CARNMT1: variants seen among roughly 807,000 people sequenced by gnomAD.
The protein encoded by CARNMT1 is protein-L-histidine N-pros-methyltransferase CARNMT1.
A neutral mutation model predicts 49.6 loss-of-function variants in CARNMT1; 28 were observed. The ratio of observed to expected loss-of-function variants is 0.56; its 90% CI spans 0.42 to 0.77. The LOEUF is 0.77. Ranked by LOEUF, CARNMT1 falls within the 30% of genes least tolerant of loss-of-function variation. The pLI is 0.00. For synonymous variants in CARNMT1, 178 were observed against 175.0 expected (o/e 1.02, Z -0.13); for missense variants, 421 against 512.6 (o/e 0.82, Z 1.73).
At chr9:75,013,280 T>TA (rs1177457304) in intron 3 of CARNMT1, among the ~76,000 whole-genome samples, 3 of 152,114 alleles carry the variant, frequency 2.0e-5, no homozygotes. Context: ...CAAAGAAAAA[T>TA]AAACAGATCC....
chr9:74,990,455 T>TA (rs1196174770), intron 6 of CARNMT1, among the ~76,000 whole-genome samples: 1 of 152,218 alleles, frequency 6.6e-6, no homozygotes, highest in Non-Finnish European at 1.5e-5. Flanking sequence ...AGTATGAACT[T>TA]ACGATTTTGT....
chr9:74,988,351 C>T (rs976301783), intron 6 of CARNMT1, among the ~76,000 whole-genome samples: 1 of 152,152 alleles, frequency 6.6e-6, no homozygotes, highest in Non-Finnish European at 1.5e-5. Flanking sequence ...ATAAGTCTAA[C>T]ATTCAGAGTA....
intron 3 of CARNMT1, among the ~76,000 whole-genome samples, chr9:75,010,374 C>T (rs1188530516): frequency 1.3e-5 from 2 of 152,060 alleles, no homozygotes; most frequent in South Asian, 2.1e-4. Flanking sequence ...ATCCACTCAC[C>T]TCAGCCTCCC....
chr9:74,984,949 C>T lies in CARNMT1; in HGVS notation c.1086G>A (p.Glu362=). 1 of 1,613,812 alleles carries T rather than the reference C, an allele frequency of 6.2e-7. No homozygotes were observed. The highest frequency in any genetic ancestry group is 1.3e-5 in the African/African-American group (1 of 75,012). The part of the protein sequence containing the change: ...ANELSIELSY[E]DIKNVVLQYG... ...ACTGCAGAACAACGTTTTTTATATC[C>T]TCATAGCTCAATTCTATGGAAAGTT... is the stretch of plus-strand genomic sequence containing the variant. Residue 362 remains glutamate (E), a synonymous_variant, in exon 7 of 8, where the codon GAG becomes GAA. Coordinates refer to ENST00000376834, the MANE Select transcript of CARNMT1 (RefSeq NM_152420.3).
In CARNMT1 at chr9:75,028,010, A is replaced by T; in HGVS notation, c.230+2T>A. ...GGCCGGGGTCCGCCACGGGCTCCTT[A>T]CCCGTAGTAGCGGAAGGCATTAATG... is the stretch of plus-strand genomic sequence containing the variant. On this transcript the variant is annotated splice_donor_variant, in intron 1 of 7. Transcript: ENST00000376834. LOFTEE classifies it high-confidence loss of function. The T allele has an allele frequency of 6.4e-7, 1 of 1,564,698 alleles. No individual in the cohort carries two copies. The highest frequency in any genetic ancestry group is 8.6e-7 in the Non-Finnish European group (1 of 1,158,778).
intron 3 of CARNMT1, among the ~76,000 whole-genome samples, chr9:75,007,789 A>G (rs1350217532): frequency 6.6e-6 from 1 of 151,426 alleles, no homozygotes; most frequent in Non-Finnish European, 1.5e-5. Context: ...GATAAAGGGT[A>G]TTTACGAAAG....
At chr9:74,986,927 G>T (rs1832860438) in intron 6 of CARNMT1, among the ~76,000 whole-genome samples, 1 of 152,208 alleles carries the variant, frequency 6.6e-6, no homozygotes, top group Non-Finnish European at 1.5e-5. Flanking sequence ...CCACCACAAT[G>T]CCTAACTTAG....
chr9:74,995,822 T>G (rs964154975), intron 6 of CARNMT1, among the ~76,000 whole-genome samples: 3 of 152,194 alleles, frequency 2.0e-5, no homozygotes, highest in African/African-American at 4.8e-5. Context: ...CTGAATATTA[T>G]CATTATACCC....
intron 3 of CARNMT1, among the ~76,000 whole-genome samples, chr9:75,015,011 AAAT>A (rs1676901300): frequency 3.9e-5 from 6 of 152,318 alleles, no homozygotes; most frequent in African/African-American, 1.2e-4. Flanking sequence ...AAAGATCTTT[AAAT>A]AAGACTGAAT....
At chr9:75,022,048 T>A (rs1822382117) in intron 1 of CARNMT1, among the ~76,000 whole-genome samples, 1 of 152,082 alleles carries the variant, frequency 6.6e-6, no homozygotes, top group Non-Finnish European at 1.5e-5. Flanking sequence ...ATGTTCATCA[T>A]TCCATCTTAG....
intron 3 of CARNMT1, among the ~76,000 whole-genome samples, chr9:75,011,498 T>C (rs1237683333): frequency 6.6e-6 from 1 of 152,090 alleles, no homozygotes; most frequent in Non-Finnish European, 1.5e-5. Context: ...ACCTCCAGAG[T>C]AGCCAGGACT....
Position 74,983,709 on chromosome 9 carries a change from G to A in CARNMT1, c.*58C>T, listed in dbSNP as rs1029734190. The A allele has an allele frequency of 3.9e-5, 40 of 1,020,300 alleles. No homozygotes were observed. The highest frequency in any genetic ancestry group is 2.1e-4 in the Middle Eastern group (1 of 4,720). The allele number at this position is 1,020,300 out of a possible 1,614,324, so 63.2% of individuals were successfully genotyped here. A position where few individuals can be genotyped will look rare whatever the true frequency, so the allele number is the denominator to read the frequency against. ...CATCACTGATAGTTGATTTTGAGTC[G>A]TTGATTTCAGCATTTGTTCTTACTA... On this transcript the variant is annotated 3_prime_UTR_variant, in exon 8 of 8. Coordinates refer to ENST00000376834, the MANE Select transcript of CARNMT1 (RefSeq NM_152420.3).
At chr9:74,985,736 C>T (rs552195384) in intron 6 of CARNMT1, among the ~76,000 whole-genome samples, 25 of 152,204 alleles carry the variant, frequency 1.6e-4, no homozygotes, top group African/African-American at 5.1e-4. Flanking sequence ...CCTGTCGCCA[C>T]GCCAGGCTAA....
intron 6 of CARNMT1, among the ~76,000 whole-genome samples, chr9:74,990,305 G>T (rs1409287447): frequency 6.6e-6 from 1 of 152,156 alleles, no homozygotes; most frequent in Non-Finnish European, 1.5e-5. Context: ...TACCTTCAGA[G>T]GAGCAACATT....
rs923393885 is a variant in CARNMT1, at chr9:74,996,271, A to C, written c.1024+176T>G. ...GTGAATATACAACTTCTGAGCTTCCACTGCCTTTGGAGGGATCACCACCAG... is the reference window on the plus strand; with the variant it reads ...GTGAATATACAACTTCTGAGCTTCCCCTGCCTTTGGAGGGATCACCACCAG... On this transcript the variant is annotated intron_variant, in intron 6 of 7. Coordinates refer to ENST00000376834, the MANE Select transcript of CARNMT1 (RefSeq NM_152420.3). 5.4e-5 allele frequency: 27 copies of C among 499,722 alleles called. No homozygotes were observed. In the South Asian group the frequency reaches 7.7e-4, roughly 14 times the overall value. 31.0% of individuals were successfully genotyped at this position (499,722 alleles called of 1,614,324 possible).
At chr9:75,012,713 T>A (rs1833732360) in intron 3 of CARNMT1, among the ~76,000 whole-genome samples, 2 of 152,002 alleles carry the variant, frequency 1.3e-5, no homozygotes, top group African/African-American at 4.8e-5. Flanking sequence ...GTTGTTACAC[T>A]GTGTTTTTAA....
At position 75,017,430 on chromosome 9, in the gene CARNMT1, C is replaced by T. The variant is rs1236212825; in HGVS notation, c.249G>A (p.Arg83=). Residue 83 remains arginine, a synonymous_variant, in exon 2 of 8, where the codon CGG becomes CGA. Coordinates refer to ENST00000376834, the MANE Select transcript of CARNMT1 (RefSeq NM_152420.3). ...GAAACTGTCTTTCTGTTCGGTTCAC[C>T]CGCTCATGCATACTGGTGCTAAAAC... ...FRYYGTSMHE[R]VNRTERQFRS... 5.0e-6 allele frequency: 8 copies of T among 1,613,762 alleles called. No individual in the cohort carries two copies. Among genetic ancestry groups the T allele is most frequent in the Admixed American group, 1.7e-5 (1 of 59,966 alleles).
At position 75,001,092 on chromosome 9, in the gene CARNMT1, CT is replaced by C. The variant is rs199506874; in HGVS notation, c.591-1223del. 8.2e-3 allele frequency among the ~76,000 whole-genome samples: 1,243 copies of C among 152,192 alleles called. 17 individuals carry two copies. Among genetic ancestry groups the C allele is most frequent in the African/African-American group, 0.027 (1,132 of 41,528 alleles). The stretch of plus-strand genomic sequence containing the variant: ...TCCAATCATAACATGCATTTCTACC[CT>C]TACCCCAGCAAGTGGCTGTTCTCAG... On this transcript the variant is annotated intron_variant, in intron 3 of 7. Transcript: ENST00000376834.
intron 5 of CARNMT1, among the ~76,000 whole-genome samples, chr9:74,998,155 A>G (rs983411406): frequency 1.1e-4 from 16 of 151,990 alleles, no homozygotes; most frequent in African/African-American, 3.9e-4. Flanking sequence ...ATCTCATTAA[A>G]TCTCCCATTA....
Sources: allele counts gnomAD v4.1 joint callset (sites outside exome capture counted in the v4.1 genomes callset), GRCh38; gene constraint gnomAD v4.1.1; transcripts MANE v1.5; gene names NCBI Gene and HGNC (gene_info 2026-07-23, HGNC 2026-07-21).